The following COL21A1 variants were observed in gnomAD, a reference collection of about 807,000 sequenced individuals.
COL21A1 encodes collagen type XXI alpha 1 chain.
A neutral mutation model predicts 137.9 loss-of-function variants in COL21A1; 149 were observed. The observed-to-expected ratio is 1.08, with a 90% CI of 0.95 to 1.24. COL21A1 has a LOEUF of 1.24. Among genes scored for constraint, COL21A1 ranks in the 50% most tolerant of loss-of-function variants. The probability of loss-of-function intolerance (pLI) is 0.00; values close to 1 mark genes in which losing one functional copy is unlikely to be tolerated. For missense variants in COL21A1, 1,167 were observed against 1,158.4 expected (o/e 1.01, Z -0.11); for synonymous variants, 456 against 391.5 (o/e 1.16, Z -1.95).
At chr6:56,349,923 TTC>T (rs1316692005) in intron 1 of COL21A1, among the ~76,000 whole-genome samples, 1 of 152,156 alleles carries the variant, frequency 6.6e-6, no homozygotes, top group Non-Finnish European at 1.5e-5. Flanking sequence ...CCAAGCAGGA[TTC>T]TCTCTCCATC....
intron 1 of COL21A1, among the ~76,000 whole-genome samples, chr6:56,362,340 T>C (rs1765993290): frequency 6.6e-6 from 1 of 152,230 alleles, no homozygotes; most frequent in African/African-American, 2.4e-5. Flanking sequence ...TGCTTAGCTC[T>C]ATTTTCTAAA....
intron 1 of COL21A1, among the ~76,000 whole-genome samples, chr6:56,234,075 A>T (rs1360843955): frequency 2.0e-5 from 3 of 151,872 alleles, no homozygotes; most frequent in African/African-American, 4.8e-5. Flanking sequence ...CATTATAATA[A>T]AAGACAAGAA....
At position 56,156,919 on chromosome 6, in the gene COL21A1, A is replaced by C; in HGVS notation, c.1402T>G (p.Tyr468Asp). 1 of 1,612,506 alleles carries C rather than the reference A, an allele frequency of 6.2e-7. No individual in the cohort carries two copies. Among genetic ancestry groups the C allele is most frequent in the Admixed American group, 1.7e-5 (1 of 59,802 alleles). The change falls in exon 10 of 30, where the codon TAC becomes GAC. Residue 468 changes from tyrosine to aspartate, a missense_variant. Transcript: ENST00000244728. ...CCATCTTGACCAGGTTGTCCAGGGT[A>C]GCCAGGGTTCCCAGGCAGTCCAGGG... ...GDPGLPGNPG[Y>D]PGQPGQDGKP...
At chr6:56,219,074 A>G (rs1304285060) in intron 1 of COL21A1, among the ~76,000 whole-genome samples, 1 of 151,990 alleles carries the variant, frequency 6.6e-6, no homozygotes, top group Non-Finnish European at 1.5e-5. Context: ...CTCCTATTCT[A>G]TGCAACAACA....
At chr6:56,360,884 G>A (rs1765950196) in intron 1 of COL21A1, among the ~76,000 whole-genome samples, 1 of 152,182 alleles carries the variant, frequency 6.6e-6, no homozygotes, top group South Asian at 2.1e-4. Flanking sequence ...CAGATCACCT[G>A]AAGTCAGGAG....
chr6:56,389,316 G>T (rs749047888), intron 1 of COL21A1, among the ~76,000 whole-genome samples: 45 of 151,470 alleles, frequency 3.0e-4, no homozygotes, highest in Admixed American at 7.2e-4. Flanking sequence ...CCAAGATCAC[G>T]CCACTGCACT....
At chr6:56,193,956 T>C (rs985901899) in intron 1 of COL21A1, among the ~76,000 whole-genome samples, 1 of 152,130 alleles carries the variant, frequency 6.6e-6, no homozygotes, top group African/African-American at 2.4e-5. Flanking sequence ...GGTTTCACCA[T>C]ATTGGCCAGG....
At chr6:56,084,815 G>A (rs909258616) in intron 17 of COL21A1, among the ~76,000 whole-genome samples, 5 of 152,002 alleles carry the variant, frequency 3.3e-5, no homozygotes, top group Non-Finnish European at 7.4e-5. Context: ...AAGAGAACTA[G>A]AACAACTGGA....
At chr6:56,281,735 T>C (rs868473985) in intron 1 of COL21A1, among the ~76,000 whole-genome samples, 7 of 152,234 alleles carry the variant, frequency 4.6e-5, no homozygotes, top group East Asian at 1.9e-4. Context: ...TTTGAAAAAT[T>C]AAGAAATAAT....
intron 1 of COL21A1, among the ~76,000 whole-genome samples, chr6:56,262,595 T>G (rs1362265950): frequency 2.0e-5 from 3 of 152,104 alleles, no homozygotes; most frequent in Non-Finnish European, 4.4e-5. Flanking sequence ...GATCTAAAAT[T>G]GTATTTTATT....
At chr6:56,148,481 C>T (rs1316877787) in intron 10 of COL21A1, among the ~76,000 whole-genome samples, 1 of 151,878 alleles carries the variant, frequency 6.6e-6, no homozygotes, top group Admixed American at 6.6e-5. Flanking sequence ...GTAAGTAAGC[C>T]ATCTCTTGTA....
At chr6:56,226,134 G>C (rs939803208) in intron 1 of COL21A1, among the ~76,000 whole-genome samples, 1 of 151,902 alleles carries the variant, frequency 6.6e-6, no homozygotes, top group Non-Finnish European at 1.5e-5. Flanking sequence ...CTAATTTTAG[G>C]AATGTTACCA....
At chr6:56,212,919 A>G in intron 1 of COL21A1, among the ~76,000 whole-genome samples, 1 of 152,080 alleles carries the variant, frequency 6.6e-6, no homozygotes, top group East Asian at 1.9e-4. Flanking sequence ...GAAAGAATGA[A>G]AGCATTACAC....
At chr6:56,246,268 G>A (rs887922199) in intron 1 of COL21A1, among the ~76,000 whole-genome samples, 1 of 152,150 alleles carries the variant, frequency 6.6e-6, no homozygotes, top group African/African-American at 2.4e-5. Context: ...TGATGATCCA[G>A]GAACATTTCA....
chr6:56,304,569 A>G lies in COL21A1; in HGVS notation c.-39+89402T>C, dbSNP rs1173063996. ...TGGTAGTTTGTATTTCTGTGGGATC[A>G]GTGGTGATATCCCCTTTATCATTTT... is the stretch of plus-strand genomic sequence containing the variant. On this transcript the variant is annotated intron_variant, in intron 1 of 28. Transcript: ENST00000370819. Among the ~76,000 whole-genome samples the G allele has an allele frequency of 8.6e-5, 13 of 151,546 alleles. No homozygotes were observed. The East Asian group carries it at 2.3e-3, about 27-fold the overall frequency.
At chr6:56,283,821 G>T (rs1166126582) in intron 1 of COL21A1, among the ~76,000 whole-genome samples, 1 of 151,766 alleles carries the variant, frequency 6.6e-6, no homozygotes, top group Non-Finnish European at 1.5e-5. Context: ...AGTCTCAGAA[G>T]GCATGGCAGA....
chr6:56,328,004 G>A (rs1765134640), intron 1 of COL21A1, among the ~76,000 whole-genome samples: 1 of 152,032 alleles, frequency 6.6e-6, no homozygotes, highest in Admixed American at 6.6e-5. Context: ...ATATAAGACA[G>A]ATTACAAACG....
At chr6:56,177,609 A>G (rs1777583669) in intron 3 of COL21A1, among the ~76,000 whole-genome samples, 1 of 152,052 alleles carries the variant, frequency 6.6e-6, no homozygotes, top group South Asian at 2.1e-4. Flanking sequence ...CCTGGCTAAC[A>G]CGGTGAAACC....
At chr6:56,168,019 A>T (rs911337800) in intron 6 of COL21A1, 105 bp downstream of exon 6, 1 of 774,902 alleles carries the variant, frequency 1.3e-6, no homozygotes, top group Admixed American at 3.3e-5. Flanking sequence ...AACTTAAGGG[A>T]ATTCATAAGT....
Sources: gnomAD v4.1 joint callset for allele counts (sites outside exome capture counted in the v4.1 genomes callset) on GRCh38, gnomAD v4.1.1 for gene constraint, MANE v1.5 for transcripts, NCBI Gene and HGNC (gene_info 2026-07-23, HGNC 2026-07-21) for gene names.